KCNIP3: variants seen among roughly 807,000 people sequenced by gnomAD.
KCNIP3 encodes the protein calsenilin.
In KCNIP3, 28 loss-of-function variants were observed where a neutral mutation model predicts 35.0. The observed-to-expected ratio is 0.80, with a 90% CI of 0.59 to 1.10. The LOEUF (loss-of-function observed/expected upper bound fraction) is 1.10, where lower values mean the gene tolerates loss of function less well. Among genes scored for constraint, KCNIP3 ranks in the 50% least tolerant of loss-of-function variants. The probability of loss-of-function intolerance (pLI) is 0.00; values close to 1 mark genes in which losing one functional copy is unlikely to be tolerated. For synonymous variants in KCNIP3, 134 were observed against 133.8 expected, an observed-to-expected ratio of 1.00 and a Z score of -0.01; for missense variants, 295 against 338.4, an observed-to-expected ratio of 0.87 and a Z score of 1.01.
chr2:95,346,908 C>T, intron 2 of KCNIP3: 1 of 492,762 alleles, frequency 2.0e-6, no homozygotes, highest in Non-Finnish European at 3.1e-6. Flanking sequence ...GGCATGTGAG[C>T]CGTCGCCGCC....
chr2:95,363,143 CT>C, intron 2 of KCNIP3, among the ~76,000 whole-genome samples: 1 of 152,086 alleles, frequency 6.6e-6, no homozygotes, highest in Middle Eastern at 3.4e-3. Flanking sequence ...CAGATTCATC[CT>C]TTTTTTTCCT....
intron 2 of KCNIP3, among the ~76,000 whole-genome samples, chr2:95,360,695 G>A (rs1679771929): frequency 6.6e-6 from 1 of 152,172 alleles, no homozygotes; most frequent in African/African-American, 2.4e-5. Context: ...ATCTGGGGAT[G>A]GCCTTCTTAC....
rs1259163357 is a variant in KCNIP3, at chr2:95,351,014, A to G, written c.182-23282A>G. On this transcript the variant is annotated intron_variant, in intron 2 of 8. Coordinates refer to ENST00000295225, the MANE Select transcript of KCNIP3 (RefSeq NM_013434.5). ...GGAGTTGGGCGCAAGGCCTTCGAGG[A>G]CAGGGGCTCTGGGTCAGCAGCAGCA... is the stretch of plus-strand genomic sequence containing the variant. Among the ~76,000 whole-genome samples, 3 of 152,220 alleles carry G rather than the reference A, an allele frequency of 2.0e-5. No homozygotes were observed. In the East Asian group the frequency reaches 5.8e-4, roughly 29 times the overall value.
intron 2 of KCNIP3, among the ~76,000 whole-genome samples, chr2:95,366,077 G>A (rs1005384550): frequency 9.9e-5 from 15 of 152,232 alleles, no homozygotes; most frequent in African/African-American, 3.1e-4. Context: ...GAACTCCAGG[G>A]CTCAAGCAGT....
intron 2 of KCNIP3, among the ~76,000 whole-genome samples, chr2:95,359,617 C>A (rs1258553495): frequency 1.3e-5 from 2 of 152,240 alleles, no homozygotes; most frequent in Non-Finnish European, 2.9e-5. Context: ...ATTGTCCTAG[C>A]AAGGACTCTC....
At chr2:95,322,687 T>C (rs1247026172) in intron 2 of KCNIP3, among the ~76,000 whole-genome samples, 1 of 152,130 alleles carries the variant, frequency 6.6e-6, no homozygotes, top group Non-Finnish European at 1.5e-5. Context: ...GAGAGAAGGA[T>C]TTTCAAGGTC....
intron 2 of KCNIP3, among the ~76,000 whole-genome samples, chr2:95,344,304 G>A (rs544023156): frequency 1.3e-5 from 2 of 152,204 alleles, no homozygotes; most frequent in South Asian, 2.1e-4. Context: ...TTCAGGGCTC[G>A]CCTGCTGGCT....
intron 2 of KCNIP3, among the ~76,000 whole-genome samples, chr2:95,328,646 C>T (rs1275031100): frequency 6.6e-6 from 1 of 152,256 alleles, no homozygotes; most frequent in Non-Finnish European, 1.5e-5. Context: ...TCTGTGACTG[C>T]CGTCCCTGTG....
intron 2 of KCNIP3, among the ~76,000 whole-genome samples, chr2:95,356,546 C>T (rs1201760185): frequency 2.0e-5 from 3 of 152,108 alleles, no homozygotes; most frequent in Non-Finnish European, 4.4e-5. Flanking sequence ...GGAGGGGATC[C>T]AGTTTCAGCT....
chr2:95,307,019 G>C (rs528224010), intron 1 of KCNIP3, among the ~76,000 whole-genome samples: 2 of 152,276 alleles, frequency 1.3e-5, no homozygotes, highest in East Asian at 3.9e-4. Context: ...TCCCAGGCTC[G>C]GCTGCTGGGG....
rs369980756 is a variant in KCNIP3 at position 95,382,492 on chromosome 2, G to A, written c.660+11G>A. ...GAGAGGTTCTTCGAGGTGAGCGAGC[G>A]CCAGCCCTGCCTAGGGAGGGGAGCC... is the stretch of plus-strand genomic sequence containing the variant. On this transcript the variant is annotated intron_variant, in intron 7 of 8. Transcript: ENST00000295225. This position sits in a 1 kb window ranked among gnomAD's most constrained non-coding sequence, Gnocchi z 4.5. 260 of 1,580,102 alleles carry A rather than the reference G, an allele frequency of 1.6e-4. 1 individual carries two copies. Among genetic ancestry groups the A allele is most frequent in the Non-Finnish European group, 2.0e-4 (232 of 1,161,432 alleles).
At chr2:95,375,081 G>A (rs2104300626) in intron 4 of KCNIP3, 57 bp from the exon 5 acceptor site, 1 of 1,571,790 alleles carries the variant, frequency 6.4e-7, no homozygotes, top group Admixed American at 1.7e-5. Flanking sequence ...GCCTGGGGTG[G>A]GAGATGAGCC....
intron 8 of KCNIP3, among the ~76,000 whole-genome samples, chr2:95,383,608 T>TG (rs768959677): frequency 1.3e-5 from 2 of 152,050 alleles, no homozygotes; most frequent in Non-Finnish European, 2.9e-5. Flanking sequence ...AGGGTCACCG[T>TG]GGGGAGGCAC....
rs559961323 is a variant in KCNIP3, at chr2:95,350,968, C to T, written c.182-23328C>T. Among the ~76,000 whole-genome samples, 8 of 152,300 alleles carry T rather than the reference C, an allele frequency of 5.3e-5. 1 individual carries two copies. The highest frequency in any genetic ancestry group is 1.9e-4 in the African/African-American group (8 of 41,582). Reference sequence around the variant, plus strand: ...AGTGTTCAGTGTCATCAGGGGTGAGCAAACTCTGAAGCCAGAGTTGGGAGT... The same window carrying T: ...AGTGTTCAGTGTCATCAGGGGTGAGTAAACTCTGAAGCCAGAGTTGGGAGT... On this transcript the variant is annotated intron_variant, in intron 2 of 8. Coordinates refer to ENST00000295225, the MANE Select transcript of KCNIP3 (RefSeq NM_013434.5).
intron 2 of KCNIP3, among the ~76,000 whole-genome samples, chr2:95,349,159 G>A (rs1679450259): frequency 6.6e-6 from 1 of 152,140 alleles, no homozygotes; most frequent in South Asian, 2.1e-4. Context: ...AATGGTGTCA[G>A]CCAGCCGAGG....
Position 95,382,324 on chromosome 2 carries a change from C to A in KCNIP3, c.556-53C>A. ...TTGGATGCCGCCCGCTCCCTTTGGGCCCTCACAGCCACCCCGGCCTTGCAG... is the reference window on the plus strand; with the variant it reads ...TTGGATGCCGCCCGCTCCCTTTGGGACCTCACAGCCACCCCGGCCTTGCAG... On this transcript the variant is annotated intron_variant, in intron 6 of 8. Transcript: ENST00000295225. This position sits in a 1 kb window ranked among gnomAD's most constrained non-coding sequence, Gnocchi z 4.5. 7.8e-7 allele frequency: 1 copy of A among 1,277,556 alleles called. No homozygotes were observed. The highest frequency in any genetic ancestry group is 1.1e-6 in the Non-Finnish European group (1 of 923,590). 79.1% of individuals were successfully genotyped at this position (1,277,556 alleles called of 1,614,324 possible). A position where few individuals can be genotyped will look rare whatever the true frequency, so the allele number is the denominator to read the frequency against.
At chr2:95,342,565 A>T (rs937727299) in intron 2 of KCNIP3, among the ~76,000 whole-genome samples, 27 of 152,206 alleles carry the variant, frequency 1.8e-4, no homozygotes, top group African/African-American at 6.5e-4. Flanking sequence ...CGAAAGATAC[A>T]GGTTTAGATG....
At chr2:95,371,067 C>A (rs1260248433) in intron 2 of KCNIP3, among the ~76,000 whole-genome samples, 1 of 152,204 alleles carries the variant, frequency 6.6e-6, no homozygotes, top group Non-Finnish European at 1.5e-5. Context: ...CTGCACCCAG[C>A]CTGTCATTGA....
At chr2:95,301,001 G>A (rs909331216) in intron 1 of KCNIP3, among the ~76,000 whole-genome samples, 3 of 152,246 alleles carry the variant, frequency 2.0e-5, no homozygotes, top group African/African-American at 7.2e-5. Flanking sequence ...ACAGTAGGCA[G>A]ATGCCAGGGT....
Sources: gnomAD v4.1 joint callset for allele counts (sites outside exome capture counted in the v4.1 genomes callset) on GRCh38, gnomAD v4.1.1 for gene constraint, Gnocchi (gnomAD v3.1) non-coding constraint, MANE v1.5 for transcripts, NCBI Gene and HGNC (gene_info 2026-07-23, HGNC 2026-07-21) for gene names.